Variants in CHAT observed in about 807,000 individuals in gnomAD.
CHAT encodes the protein acetyl CoA:choline O-acetyltransferase.
Under a neutral mutation model 76.9 loss-of-function variants are expected in CHAT, and 61 were observed. That is an observed-to-expected ratio of 0.79 (90% CI 0.65 to 0.98). The LOEUF (loss-of-function observed/expected upper bound fraction) is 0.98. CHAT is among the 50% of genes least tolerant of loss of function. The probability of loss-of-function intolerance (pLI) is 0.00; values close to 1 mark genes in which losing one functional copy is unlikely to be tolerated. For synonymous variants in CHAT, 407 were observed against 397.4 expected, an observed-to-expected ratio of 1.02 and a Z score of -0.29; for missense variants, 946 against 986.9, an observed-to-expected ratio of 0.96 and a Z score of 0.56.
At chr10:49,655,513 GCAC>G in intron 13 of CHAT, 65 bp downstream of exon 13, 1 of 1,507,248 alleles carries the variant, frequency 6.6e-7, no homozygotes, top group Non-Finnish European at 9.2e-7. Flanking sequence ...GCCAGAATGG[GCAC>G]CACGGCATAA....
intron 10 of CHAT, among the ~76,000 whole-genome samples, chr10:49,650,587 C>A (rs894663115): frequency 6.6e-5 from 10 of 152,216 alleles, no homozygotes; most frequent in African/African-American, 2.2e-4. Flanking sequence ...AGAGAATGGC[C>A]AGAGTGGGGC....
upstream of CHAT, among the ~76,000 whole-genome samples, chr10:49,609,661 A>G (rs1209656144): frequency 6.6e-6 from 1 of 151,932 alleles, no homozygotes; most frequent in African/African-American, 2.4e-5. Context: ...CGGCCGAGAA[A>G]TTCTGCGGAG....
intron 14 of CHAT, among the ~76,000 whole-genome samples, chr10:49,663,561 C>T (rs1392595076): frequency 6.6e-6 from 1 of 152,218 alleles, no homozygotes; most frequent in African/African-American, 2.4e-5. Flanking sequence ...AGCCCAACAT[C>T]TAACCAGTGC....
chr10:49,632,427 G>C (rs958333208), intron 7 of CHAT, among the ~76,000 whole-genome samples: 2 of 152,278 alleles, frequency 1.3e-5, no homozygotes, highest in African/African-American at 4.8e-5. Context: ...CACGGAAAGG[G>C]TTGAGCTATT....
chr10:49,646,450 G>A (rs965920759), intron 7 of CHAT, 55 bp from the exon 8 acceptor site: 2 of 1,605,402 alleles, frequency 1.2e-6, no homozygotes, highest in Admixed American at 3.3e-5. Flanking sequence ...CTCTGAGGAG[G>A]GAAGACTGGC....
chr10:49,643,618 C>T (rs574847350), intron 7 of CHAT, among the ~76,000 whole-genome samples: 1 of 152,178 alleles, frequency 6.6e-6, no homozygotes, highest in African/African-American at 2.4e-5. Context: ...GAAGCCCTAC[C>T]TTGTCCCAGC....
Position 49,614,047 on chromosome 10 carries a change from C to G in CHAT, c.-143C>G. The G allele has an allele frequency of 7.0e-7, 1 of 1,424,642 alleles. No homozygotes were observed. Among genetic ancestry groups the G allele is most frequent in the Non-Finnish European group, 9.5e-7 (1 of 1,047,854 alleles). The allele number at this position is 1,424,642 out of a possible 1,614,324, so 88.3% of individuals were successfully genotyped here. A position where few individuals can be genotyped will look rare whatever the true frequency, so the allele number is the denominator to read the frequency against. ...AGTGCGGTGACTGGGAAATGCTGAG[C>G]TAGGGGCAGGAGGCATGGGCGGGAC... On this transcript the variant is annotated 5_prime_UTR_variant, in exon 1 of 15. Coordinates refer to ENST00000337653, the MANE Select transcript of CHAT (RefSeq NM_020549.5).
intron 2 of CHAT, among the ~76,000 whole-genome samples, chr10:49,617,266 C>T (rs1396082526): frequency 6.6e-6 from 1 of 152,116 alleles, no homozygotes; most frequent in Non-Finnish European, 1.5e-5. Context: ...ACTCCATTGC[C>T]CTGAATTCTG....
At chr10:49,623,181 G>C (rs1838791645) in intron 5 of CHAT, among the ~76,000 whole-genome samples, 2 of 152,096 alleles carry the variant, frequency 1.3e-5, no homozygotes, top group South Asian at 4.1e-4. Flanking sequence ...TTTCCTCCCA[G>C]AACTCGCCCC....
In CHAT at chr10:49,666,253, G is replaced by A. The variant is rs1840337270; in HGVS notation, c.*1207G>A. ...AGCCCCAGCCCCAGCCCCAGCTCCA[G>A]CTCCAGCCCCAGCTCCAGCTCCAGC... On this transcript the variant is annotated 3_prime_UTR_variant, in exon 15 of 15. Coordinates refer to ENST00000337653, the MANE Select transcript of CHAT (RefSeq NM_020549.5). Among the ~76,000 whole-genome samples the A allele has an allele frequency of 6.7e-6, 1 of 149,638 alleles. No homozygotes were observed. Among genetic ancestry groups the A allele is most frequent in the South Asian group, 2.1e-4 (1 of 4,796 alleles).
chr10:49,619,618 T>A, intron 2 of CHAT, 107 bp from the exon 3 acceptor site: 1 of 1,105,580 alleles, frequency 9.0e-7, no homozygotes, highest in South Asian at 1.3e-5. Flanking sequence ...GGTCCCAGGG[T>A]AGAGAACAAC....
At chr10:49,663,486 C>T (rs1590629505) in intron 14 of CHAT, among the ~76,000 whole-genome samples, 1 of 152,260 alleles carries the variant, frequency 6.6e-6, no homozygotes, top group East Asian at 1.9e-4. Flanking sequence ...TGGACAGGGC[C>T]CTCTAAATAG....
rs200776329 is a variant in CHAT, at chr10:49,627,707, G to A, written c.1033G>A (p.Glu345Lys). 1.8e-5 allele frequency: 29 copies of A among 1,614,120 alleles called. No homozygotes were observed. In the East Asian group the frequency reaches 4.9e-4, roughly 27 times the overall value. ...KIVKMASNED[E>K]RLPPIGLLTS... ...AGTCAAAATGGCTTCCAACGAGGAC[G>A]AGCGTTTGCCTCCAATTGGCCTGCT... is the stretch of plus-strand genomic sequence containing the variant. Residue 345 changes from glutamate to lysine, a missense_variant, in exon 7 of 15, where the codon GAG becomes AAG. Physicochemically the swap from Glu to Lys is moderately conservative, Grantham distance 56. Transcript: ENST00000337653.
At chr10:49,644,523 G>A (rs1344362835) in intron 7 of CHAT, among the ~76,000 whole-genome samples, 1 of 152,170 alleles carries the variant, frequency 6.6e-6, no homozygotes, top group East Asian at 1.9e-4. Context: ...AGGCAGGGAA[G>A]CCCAAGAGGC....
chr10:49,619,909 C>G lies in CHAT; in HGVS notation c.572C>G (p.Ala191Gly). The change falls in exon 3 of 15, where the codon GCC becomes GGC. Residue 191 changes from alanine to glycine, a missense_variant. Transcript: ENST00000337653. ...CTCCTGGAGCGGCAGGAGAAGACAG[C>G]CAACTGGGTAAGAGGGGCAGACAAG... Reference protein sequence around the residue: ...QKLLERQEKTANWVSEYWLND... With the variant: ...QKLLERQEKTGNWVSEYWLND... The G allele has an allele frequency of 6.2e-7, 1 of 1,611,148 alleles. No homozygotes were observed. The highest frequency in any genetic ancestry group is 2.2e-5 in the East Asian group (1 of 44,756).
At chr10:49,612,038 C>A, upstream of CHAT, 1 of 1,613,718 alleles carries the variant, frequency 6.2e-7, no homozygotes, top group Non-Finnish European at 8.5e-7. Flanking sequence ...GTGGCCTACG[C>A]GCTCGGGCCC....
chr10:49,653,041 T>C (rs1459683716), intron 11 of CHAT, among the ~76,000 whole-genome samples: 1 of 152,016 alleles, frequency 6.6e-6, no homozygotes, highest in African/African-American at 2.4e-5. Context: ...TGTTTGCAGG[T>C]TTGCTGGCTT....
rs116628504 is a variant in CHAT at position 49,662,760 on chromosome 10, G to A, written c.1955G>A (p.Arg652Gln). The A allele has an allele frequency of 2.1e-4, 343 of 1,614,220 alleles. 1 individual carries two copies. The East Asian group carries it at 3.1e-3, about 15-fold the overall frequency. Residue 652 changes from arginine (R) to glutamine (Q), a missense_variant, in exon 14 of 15, where the codon CGG (arginine) becomes CAG (glutamine). Arg to Gln is a conservative substitution (Grantham distance 43, BLOSUM62 1). Coordinates refer to ENST00000337653, the MANE Select transcript of CHAT (RefSeq NM_020549.5). ...FMDETYLMSN[R>Q]FVLSTSQVPT... ...GATGAAACCTACCTGATGAGCAACCGGTTTGTCCTCTCCACTAGCCAGGTA... is the reference window on the plus strand; with the variant it reads ...GATGAAACCTACCTGATGAGCAACCAGTTTGTCCTCTCCACTAGCCAGGTA...
rs183313066 is a variant in CHAT at position 49,620,192 on chromosome 10, C to T, written c.579+276C>T. 6.6e-5 allele frequency among the ~76,000 whole-genome samples: 10 copies of T among 151,810 alleles called. No individual in the cohort carries two copies. The East Asian group carries it at 7.8e-4, about 12-fold the overall frequency. ...AATTGGGACAGATGAGGACAGAGAT[C>T]GCATTAGGAAAGAAGAGAGGGTGAA... is the stretch of plus-strand genomic sequence containing the variant. On this transcript the variant is annotated intron_variant, in intron 3 of 14. Coordinates refer to ENST00000337653, the MANE Select transcript of CHAT (RefSeq NM_020549.5).
Sources: allele counts gnomAD v4.1 joint callset (sites outside exome capture counted in the v4.1 genomes callset), GRCh38; gene constraint gnomAD v4.1.1; transcripts MANE v1.5; gene names NCBI Gene and HGNC (gene_info 2026-07-23, HGNC 2026-07-21).